Variants in PATJ observed in about 807,000 individuals in gnomAD.
PATJ encodes the protein PATJ crumbs cell polarity complex component, also known as inaD-like protein.
In PATJ, 190 loss-of-function variants were observed where a neutral mutation model predicts 224.9. That is an observed-to-expected ratio of 0.84 (90% CI 0.75 to 0.95). The LOEUF (loss-of-function observed/expected upper bound fraction) is 0.95. Among genes scored for constraint, PATJ ranks in the 40% least tolerant of loss-of-function variants. The pLI, the probability that PATJ is intolerant of heterozygous loss-of-function variation, is 0.00. For missense variants in PATJ, 2,121 were observed against 2,270.3 expected (o/e 0.93, Z 1.34); for synonymous variants, 769 against 820.3 (o/e 0.94, Z 1.07).
chr1:61,870,700 A>G (rs1013299455), intron 20 of PATJ, among the ~76,000 whole-genome samples: 1 of 152,174 alleles, frequency 6.6e-6, no homozygotes, highest in African/African-American at 2.4e-5. Context: ...GTATATAAAT[A>G]TCTGTTGAAA....
intron 27 of PATJ, among the ~76,000 whole-genome samples, chr1:61,964,639 A>G (rs1336045859): frequency 6.6e-6 from 1 of 151,566 alleles, no homozygotes; most frequent in Non-Finnish European, 1.5e-5. Context: ...AAATACAAAA[A>G]TTAACTGGGC....
intron 27 of PATJ, among the ~76,000 whole-genome samples, chr1:61,979,388 T>C (rs1815464): frequency 0.85 from 128,803 of 152,024 alleles, 54,810 homozygotes; most frequent in Admixed American, 0.87. Flanking sequence ...GGCGCGGTGG[T>C]TCAGGCCTGT....
At chr1:61,767,678 C>CTTT (rs1163770714) in intron 4 of PATJ, among the ~76,000 whole-genome samples, 11 of 134,970 alleles carry the variant, frequency 8.1e-5, no homozygotes, top group South Asian at 2.4e-4. Flanking sequence ...CTTTTCTTTT[C>CTTT]TTTTTTTTTT....
intron 29 of PATJ, among the ~76,000 whole-genome samples, chr1:62,036,326 T>G (rs1485420486): frequency 6.6e-6 from 1 of 152,074 alleles, no homozygotes; most frequent in Non-Finnish European, 1.5e-5. Flanking sequence ...GAAGGTGAAA[T>G]TCATGAGACT....
rs1439828166 is a variant in PATJ at position 61,990,279 on chromosome 1, G to A, written c.3782G>A (p.Arg1261His). 1.1e-5 allele frequency: 17 copies of A among 1,613,952 alleles called. No homozygotes were observed. Among genetic ancestry groups the A allele is most frequent in the South Asian group, 3.3e-5 (3 of 91,030 alleles). ...LSLAGNKDRS[R>H]MSIFVVGINP... ...CTTGCTGGTAATAAAGACCGATCACGCATGAGCATATTTGTGGTGGGAATT... is the reference window on the plus strand; with the variant it reads ...CTTGCTGGTAATAAAGACCGATCACACATGAGCATATTTGTGGTGGGAATT... Residue 1261 changes from arginine to histidine, a missense_variant, in exon 28 of 44, where the codon CGC becomes CAC. By Grantham distance (29) the Arg-to-His change is conservative. Coordinates refer to ENST00000642238, the MANE Select transcript of PATJ (RefSeq NM_001350145.3).
chr1:61,779,065 A>G (rs550299729), intron 7 of PATJ, among the ~76,000 whole-genome samples: 1 of 152,132 alleles, frequency 6.6e-6, no homozygotes, highest in South Asian at 2.1e-4. Flanking sequence ...ATAAATGATA[A>G]AAATTAACAT....
chr1:62,156,390 C>T (rs918309185), intron 43 of PATJ, among the ~76,000 whole-genome samples: 18 of 151,246 alleles, frequency 1.2e-4, no homozygotes, highest in Middle Eastern at 6.8e-3. Flanking sequence ...ATTAGCCATT[C>T]GTAATGACAG....
chr1:62,040,809 T>G (rs969547281), intron 30 of PATJ, among the ~76,000 whole-genome samples: 6 of 151,180 alleles, frequency 4.0e-5, no homozygotes, highest in Non-Finnish European at 7.4e-5. Flanking sequence ...ACATAGTTTT[T>G]AAAGGATCCA....
intron 17 of PATJ, among the ~76,000 whole-genome samples, chr1:61,852,010 C>T (rs1437365281): frequency 2.0e-5 from 3 of 149,518 alleles, no homozygotes; most frequent in African/African-American, 7.4e-5. Flanking sequence ...CCCATCTCTA[C>T]TAAAAATAGA....
chr1:62,074,200 T>C (rs1657903739), intron 31 of PATJ, among the ~76,000 whole-genome samples: 1 of 111,576 alleles, frequency 9.0e-6, no homozygotes, highest in Admixed American at 1.4e-4. Flanking sequence ...AAACCCAAAT[T>C]AAAAAAAATA....
chr1:62,049,640 C>T (rs1468518368), intron 30 of PATJ, among the ~76,000 whole-genome samples: 1 of 152,156 alleles, frequency 6.6e-6, no homozygotes, highest in African/African-American at 2.4e-5. Context: ...TTAACTATAA[C>T]ATTTAATATG....
At chr1:61,764,899 CACACTTG>C (rs1366426871) in intron 3 of PATJ, among the ~76,000 whole-genome samples, 1 of 152,020 alleles carries the variant, frequency 6.6e-6, no homozygotes, top group Non-Finnish European at 1.5e-5. Flanking sequence ...AGAAATCTAT[CACACTTG>C]TTGGACTAAG....
At chr1:61,960,986 T>TG (rs1438886496) in intron 27 of PATJ, among the ~76,000 whole-genome samples, 1 of 152,206 alleles carries the variant, frequency 6.6e-6, no homozygotes, top group Non-Finnish European at 1.5e-5. Flanking sequence ...ATTTTAATAA[T>TG]GGAGACATAG....
intron 28 of PATJ, among the ~76,000 whole-genome samples, chr1:62,004,810 C>T (rs145117647): frequency 6.6e-6 from 1 of 152,244 alleles, no homozygotes; most frequent in Admixed American, 6.5e-5. Flanking sequence ...TAAATCCCAC[C>T]AGCGATATGA....
intron 20 of PATJ, among the ~76,000 whole-genome samples, chr1:61,871,557 A>ATATT (rs1666605111): frequency 5.6e-4 from 31 of 55,046 alleles, no homozygotes; most frequent in Non-Finnish European, 8.1e-4. Flanking sequence ...ATATATATAT[A>ATATT]TTTTTTTTTT....
chr1:61,751,454 C>T (rs972348844), intron 1 of PATJ, among the ~76,000 whole-genome samples: 2 of 152,062 alleles, frequency 1.3e-5, no homozygotes, highest in East Asian at 1.9e-4. Context: ...TGATCAGAGA[C>T]CTCTAAGTGT....
chr1:61,758,291 A>G (rs989126795), intron 1 of PATJ, among the ~76,000 whole-genome samples: 2 of 152,224 alleles, frequency 1.3e-5, no homozygotes, highest in African/African-American at 4.8e-5. Context: ...AAATAGTTAC[A>G]TATGACTGAT....
Position 62,162,930 on chromosome 1 carries a change from G to C in PATJ, c.*1876G>C. Reference sequence around the variant, plus strand: ...CCACTCCACTCCAGCCTGGGTGACAGAGCAAGACTCTGTCTCGAAAAAGAA... The same window carrying C: ...CCACTCCACTCCAGCCTGGGTGACACAGCAAGACTCTGTCTCGAAAAAGAA... On this transcript the variant is annotated 3_prime_UTR_variant, in exon 44 of 44. Transcript: ENST00000642238. The C allele has an allele frequency of 2.5e-6, 1 of 401,518 alleles. No homozygotes were observed. The highest frequency in any genetic ancestry group is 1.8e-5 in the South Asian group (1 of 56,440). The allele number at this position is 401,518 out of a possible 1,614,324, so 24.9% of individuals were successfully genotyped here.
chr1:61,885,990 A>G (rs1167567987), intron 22 of PATJ, among the ~76,000 whole-genome samples: 2 of 151,610 alleles, frequency 1.3e-5, no homozygotes, highest in Non-Finnish European at 2.9e-5. Flanking sequence ...GAACACATGG[A>G]CACAGGAAGA....
Sources: gnomAD v4.1 joint callset for allele counts (sites outside exome capture counted in the v4.1 genomes callset) on GRCh38, gnomAD v4.1.1 for gene constraint, MANE v1.5 for transcripts, NCBI Gene and HGNC (gene_info 2026-07-23, HGNC 2026-07-21) for gene names.